Variants in PAMR1 observed in about 807,000 individuals in gnomAD.
The protein encoded by PAMR1 is inactive serine protease PAMR1.
PAMR1 carries 88 observed loss-of-function variants against 81.8 expected under a neutral mutation model. The ratio of observed to expected loss-of-function variants is 1.08; its 90% CI spans 0.91 to 1.28. PAMR1 has a LOEUF of 1.28. Ranked by LOEUF, PAMR1 falls within the 50% of genes most tolerant of loss-of-function variation. The pLI, the probability that PAMR1 is intolerant of heterozygous loss-of-function variation, is 0.00. For synonymous variants in PAMR1, 336 were observed against 345.3 expected (o/e 0.97, Z 0.30); for missense variants, 935 against 919.7 (o/e 1.02, Z -0.21).
intron 1 of PAMR1, among the ~76,000 whole-genome samples, chr11:35,500,126 G>T (rs1273023609): frequency 6.6e-6 from 1 of 152,208 alleles, no homozygotes; most frequent in Non-Finnish European, 1.5e-5. Context: ...TTTGATTTTA[G>T]TCTTGTAAGA....
At chr11:35,507,658 C>G (rs1264037614) in intron 1 of PAMR1, among the ~76,000 whole-genome samples, 1 of 151,990 alleles carries the variant, frequency 6.6e-6, no homozygotes, top group Non-Finnish European at 1.5e-5. Context: ...AGTCATGGTT[C>G]CCTGTTTGCT....
chr11:35,485,371 ACT>A (rs1171902923), intron 3 of PAMR1, among the ~76,000 whole-genome samples: 4 of 152,202 alleles, frequency 2.6e-5, no homozygotes, highest in Admixed American at 6.5e-5. Flanking sequence ...TATTCTTTCA[ACT>A]CTCTGTAGAA....
chr11:35,444,299 G>A (rs1276474554), intron 6 of PAMR1, among the ~76,000 whole-genome samples: 5 of 152,100 alleles, frequency 3.3e-5, no homozygotes, highest in Non-Finnish European at 5.9e-5. Flanking sequence ...TAGGTTGTAT[G>A]TTCACTCTGA....
intron 2 of PAMR1, among the ~76,000 whole-genome samples, chr11:35,493,011 A>G (rs765198827): frequency 6.6e-6 from 1 of 152,218 alleles, no homozygotes; most frequent in Non-Finnish European, 1.5e-5. Flanking sequence ...ACTGGGTGAT[A>G]TGATTTGGAT....
chr11:35,459,465 G>A (rs1421148956), intron 6 of PAMR1, among the ~76,000 whole-genome samples: 1 of 152,148 alleles, frequency 6.6e-6, no homozygotes, highest in Admixed American at 6.5e-5. Context: ...GAAGATTTCT[G>A]CTTCAGCTCC....
At chr11:35,477,159 T>C (rs1850299791) in intron 3 of PAMR1, among the ~76,000 whole-genome samples, 1 of 152,190 alleles carries the variant, frequency 6.6e-6, no homozygotes, top group Non-Finnish European at 1.5e-5. Flanking sequence ...TCCTTCATAA[T>C]ACACACGCCT....
chr11:35,465,001 G>A (rs1345747230), intron 6 of PAMR1, among the ~76,000 whole-genome samples: 1 of 152,186 alleles, frequency 6.6e-6, no homozygotes, highest in Non-Finnish European at 1.5e-5. Context: ...GGGACATGAT[G>A]GTAACCAGAG....
intron 1 of PAMR1, among the ~76,000 whole-genome samples, chr11:35,518,600 T>G (rs924377150): frequency 1.4e-5 from 2 of 144,896 alleles, no homozygotes; most frequent in Non-Finnish European, 3.1e-5. Flanking sequence ...GAGAATTAAC[T>G]GATTACTTCA....
intron 1 of PAMR1, among the ~76,000 whole-genome samples, chr11:35,503,441 CTTTGAGTATAA>C (rs1850892460): frequency 6.6e-6 from 1 of 151,846 alleles, no homozygotes; most frequent in Non-Finnish European, 1.5e-5. Context: ...AGTAGTATTG[CTTTGAGTATAA>C]ATTGCTTTGA....
rs749891554 is a variant in PAMR1, at chr11:35,441,663, C to A, written c.851G>T (p.Gly284Val). Residue 284 changes from glycine (G) to valine (V), a missense_variant, in exon 7 of 11, where the codon GGG (glycine) becomes GTG (valine). Gly to Val is a moderately radical substitution (Grantham distance 109). Coordinates refer to ENST00000619888, the MANE Select transcript of PAMR1 (RefSeq NM_001001991.3). ...LLEERNCSDP[G>V]GPVNGYQKIT... is the part of the protein sequence containing the mutation. ...TTTCTGGTACCCATTGACTGGGCCC[C>A]CAGGGTCTGAGCAGTTTCTTTCTTC... The A allele has an allele frequency of 8.7e-6, 14 of 1,613,310 alleles. No homozygotes were observed. The Admixed American group carries it at 1.8e-4, about 21-fold the overall frequency.
chr11:35,450,372 C>T (rs147942743), intron 6 of PAMR1, among the ~76,000 whole-genome samples: 76 of 152,130 alleles, frequency 5.0e-4, no homozygotes, highest in African/African-American at 1.7e-3. Flanking sequence ...GAATCCAAAG[C>T]CCCCATTTTA....
chr11:35,529,361 G>T (rs1851433218), upstream of PAMR1, among the ~76,000 whole-genome samples: 1 of 152,222 alleles, frequency 6.6e-6, no homozygotes, highest in Non-Finnish European at 1.5e-5. Flanking sequence ...TTTGGGGAAA[G>T]TGATTTTGTG....
chr11:35,527,510 A>G (rs866937905), upstream of PAMR1, among the ~76,000 whole-genome samples: 4 of 152,296 alleles, frequency 2.6e-5, no homozygotes, highest in Middle Eastern at 6.8e-3. Flanking sequence ...AAGCACCAAG[A>G]GTAGCCTTAA....
intron 1 of PAMR1, among the ~76,000 whole-genome samples, chr11:35,518,700 GAA>G (rs1334921823): frequency 6.6e-6 from 1 of 151,820 alleles, no homozygotes; most frequent in Admixed American, 6.6e-5. Context: ...AACTGGATTT[GAA>G]AAACATTGAT....
chr11:35,485,038 T>C (rs1228735773), intron 3 of PAMR1, among the ~76,000 whole-genome samples: 1 of 152,154 alleles, frequency 6.6e-6, no homozygotes, highest in African/African-American at 2.4e-5. Context: ...AGTTCCTAAA[T>C]ACAATTTCCC....
chr11:35,445,722 G>A (rs575809702), intron 6 of PAMR1, among the ~76,000 whole-genome samples: 1 of 152,164 alleles, frequency 6.6e-6, no homozygotes, highest in Non-Finnish European at 1.5e-5. Flanking sequence ...TGTGCTGCTG[G>A]ATTTGGTTTG....
chr11:35,442,393 G>C (rs1856189551), intron 6 of PAMR1, among the ~76,000 whole-genome samples: 1 of 152,048 alleles, frequency 6.6e-6, no homozygotes, highest in Admixed American at 6.5e-5. Context: ...CAGCTATTCT[G>C]AGCACTAAAC....
intron 3 of PAMR1, among the ~76,000 whole-genome samples, chr11:35,480,481 A>G (rs1850369103): frequency 6.6e-6 from 1 of 152,150 alleles, no homozygotes; most frequent in South Asian, 2.1e-4. Context: ...GTTGATTTCT[A>G]TTGAACTGTC....
chr11:35,433,027 A>T (rs1270888080), intron 10 of PAMR1, 135 bp from the exon 11 acceptor site: 1 of 750,752 alleles, frequency 1.3e-6, no homozygotes, highest in Non-Finnish European at 2.1e-6. Flanking sequence ...TACTTCACTC[A>T]AGAAATCATG....
Sources: allele counts gnomAD v4.1 joint callset (sites outside exome capture counted in the v4.1 genomes callset), GRCh38; gene constraint gnomAD v4.1.1; transcripts MANE v1.5; gene names NCBI Gene and HGNC (gene_info 2026-07-23, HGNC 2026-07-21).